The following SLC8A1 variants were observed in gnomAD, a reference collection of about 807,000 sequenced individuals.
SLC8A1 encodes solute carrier family 8 member A1.
A neutral mutation model predicts 68.3 loss-of-function variants in SLC8A1; 18 were observed. That is an observed-to-expected ratio of 0.26 (90% CI 0.18 to 0.39). The LOEUF (loss-of-function observed/expected upper bound fraction) is 0.39. SLC8A1 is among the 10% of genes least tolerant of loss of function. The pLI is 1.00. For missense variants in SLC8A1, 985 were observed against 1,156.7 expected (o/e 0.85, Z 2.15); for synonymous variants, 475 against 415.5 (o/e 1.14, Z -1.74).
intron 2 of SLC8A1, among the ~76,000 whole-genome samples, chr2:40,215,159 T>C (rs1160826446): frequency 6.6e-6 from 1 of 152,154 alleles, no homozygotes; most frequent in Non-Finnish European, 1.5e-5. Context: ...TATATGCTAA[T>C]TATTATTATT....
At chr2:40,332,401 C>G (rs1408370447) in intron 2 of SLC8A1, among the ~76,000 whole-genome samples, 1 of 135,778 alleles carries the variant, frequency 7.4e-6, no homozygotes, top group Non-Finnish European at 1.5e-5. Context: ...AAATGATATC[C>G]TCTTTCTGCA....
chr2:40,165,796 AG>A (rs1233712108), intron 4 of SLC8A1, among the ~76,000 whole-genome samples: 1 of 152,172 alleles, frequency 6.6e-6, no homozygotes, highest in Non-Finnish European at 1.5e-5. Flanking sequence ...CCCATTAATG[AG>A]GGGAAGCTCA....
intron 1 of SLC8A1, among the ~76,000 whole-genome samples, chr2:40,440,744 A>T (rs1253898704): frequency 6.6e-6 from 1 of 152,206 alleles, no homozygotes; most frequent in African/African-American, 2.4e-5. Flanking sequence ...TTCATGTTAA[A>T]AACTCTCAAT....
chr2:40,141,383 C>T lies in SLC8A1; in HGVS notation c.2162-1707G>A, dbSNP rs56407349. On this transcript the variant is annotated intron_variant, in intron 6 of 7. Coordinates refer to ENST00000406785, the Ensembl canonical transcript of SLC8A1. ...TCATTTTACAGGAAAAGAGAAGAGG[C>T]AATGGCCTGCTCTTTCATGAGCACA... Among the ~76,000 whole-genome samples, 772 of 152,306 alleles carry T rather than the reference C, an allele frequency of 5.1e-3. 5 individuals are homozygous for T. The highest frequency in any genetic ancestry group is 0.017 in the African/African-American group (716 of 41,560).
chr2:40,364,769 G>C (rs914866686), intron 2 of SLC8A1, among the ~76,000 whole-genome samples: 5 of 151,982 alleles, frequency 3.3e-5, no homozygotes, highest in Non-Finnish European at 4.4e-5. Flanking sequence ...GCCCTTACTT[G>C]TCAGCCCAGT....
chr2:40,252,097 AT>A (rs1245872160), intron 2 of SLC8A1, among the ~76,000 whole-genome samples: 2 of 152,192 alleles, frequency 1.3e-5, no homozygotes, highest in African/African-American at 2.4e-5. Flanking sequence ...CAAACTATGA[AT>A]TATTTTCCCT....
At chr2:40,433,947 C>G (rs1335281698) in intron 1 of SLC8A1, among the ~76,000 whole-genome samples, 2 of 152,128 alleles carry the variant, frequency 1.3e-5, no homozygotes, top group African/African-American at 4.8e-5. Flanking sequence ...AGACAAGCAT[C>G]AATAACTGTG....
At chr2:40,253,065 ATAC>A (rs1458665544) in intron 2 of SLC8A1, among the ~76,000 whole-genome samples, 1 of 91,566 alleles carries the variant, frequency 1.1e-5, no homozygotes, top group African/African-American at 3.9e-5. Flanking sequence ...GTACATGTAT[ATAC>A]TATATATGTG....
At chr2:40,215,454 G>C (rs1000122721) in intron 2 of SLC8A1, among the ~76,000 whole-genome samples, 2 of 151,790 alleles carry the variant, frequency 1.3e-5, no homozygotes, top group African/African-American at 2.4e-5. Flanking sequence ...TGGCTAACAA[G>C]GTGAAACCCC....
chr2:40,097,304 G>A (rs1336565499), exon 8 of SLC8A1: 2 of 149,342 alleles, frequency 1.3e-5, no homozygotes, highest in Non-Finnish European at 3.0e-5. Context: ...TTCAGTGTTA[G>A]GAAATATGGT....
chr2:40,360,913 A>C (rs577848337), intron 2 of SLC8A1, among the ~76,000 whole-genome samples: 41 of 152,100 alleles, frequency 2.7e-4, no homozygotes, highest in South Asian at 6.2e-4. Context: ...TCAAGGATAA[A>C]TTGTGAGTCA....
chr2:40,150,837 G>T (rs1284558581), intron 6 of SLC8A1, among the ~76,000 whole-genome samples: 3 of 151,938 alleles, frequency 2.0e-5, no homozygotes, highest in African/African-American at 7.3e-5. Flanking sequence ...CTTTGTTTCT[G>T]GCCTGCCTTG....
intron 2 of SLC8A1, among the ~76,000 whole-genome samples, chr2:40,377,695 C>T (rs533768041): frequency 3.4e-4 from 52 of 152,168 alleles, no homozygotes; most frequent in African/African-American, 1.2e-3. Context: ...TCTCTAGATA[C>T]GACATCACCG....
At chr2:40,280,183 A>G (rs115645740) in intron 2 of SLC8A1, among the ~76,000 whole-genome samples, 2,052 of 149,792 alleles carry the variant, frequency 0.014, 46 homozygotes, top group African/African-American at 0.047. Context: ...TGACTAAAAT[A>G]TGACTCTAAA....
At chr2:40,318,050 T>TAA (rs2074705765) in intron 2 of SLC8A1, among the ~76,000 whole-genome samples, 1 of 152,080 alleles carries the variant, frequency 6.6e-6, no homozygotes, top group African/African-American at 2.4e-5. Flanking sequence ...AAGAAGGCAC[T>TAA]AAATATGGAT....
chr2:40,232,391 G>C (rs890946670), intron 2 of SLC8A1, among the ~76,000 whole-genome samples: 1 of 54,414 alleles, frequency 1.8e-5, no homozygotes, highest in African/African-American at 5.3e-5. Flanking sequence ...TATGGTGCAA[G>C]TTATTTTTTT....
chr2:40,354,031 G>C (rs1265005693), intron 2 of SLC8A1, among the ~76,000 whole-genome samples: 1 of 152,180 alleles, frequency 6.6e-6, no homozygotes. Flanking sequence ...TTATTCTTGT[G>C]CAGATGTTTT....
At chr2:40,508,689 C>T (rs554939493) in intron 1 of SLC8A1, among the ~76,000 whole-genome samples, 1 of 152,250 alleles carries the variant, frequency 6.6e-6, no homozygotes, top group South Asian at 2.1e-4. Context: ...ATTCTGTTAG[C>T]AAAGAATATG....
chr2:40,224,708 C>T (rs1250903057), intron 2 of SLC8A1, among the ~76,000 whole-genome samples: 2 of 152,126 alleles, frequency 1.3e-5, no homozygotes, highest in Non-Finnish European at 2.9e-5. Flanking sequence ...TATTATCAGG[C>T]ATAAAATTTG....
Sources: allele counts gnomAD v4.1 joint callset (sites outside exome capture counted in the v4.1 genomes callset), GRCh38; gene constraint gnomAD v4.1.1; transcripts MANE v1.5; gene names NCBI Gene and HGNC (gene_info 2026-07-23, HGNC 2026-07-21).